The following RGL1 variants were observed in gnomAD, a reference collection of about 807,000 sequenced individuals.
RGL1 encodes the protein ral guanine nucleotide dissociation stimulator-like 1.
RGL1 carries 24 observed loss-of-function variants against 95.2 expected under a neutral mutation model. The ratio of observed to expected loss-of-function variants is 0.25; its 90% CI spans 0.18 to 0.35. The LOEUF (loss-of-function observed/expected upper bound fraction) is 0.35, where lower values mean the gene tolerates loss of function less well. Among genes scored for constraint, RGL1 ranks in the 10% least tolerant of loss-of-function variants. The pLI is 1.00. For missense variants in RGL1, 715 were observed against 936.3 expected (o/e 0.76, Z 3.08); for synonymous variants, 329 against 344.9 (o/e 0.95, Z 0.51).
rs566563448 is a variant in RGL1, at chr1:183,685,544, G to A, written c.-33+49043G>A. ...ACATACAATTACATTAAATGTTACT[G>A]TATGTAATATTAAAAACTACAGTTA... is the stretch of plus-strand genomic sequence containing the variant. On this transcript the variant is annotated intron_variant, in intron 1 of 18. Coordinates refer to the RGL1 transcript ENST00000304685. Among the ~76,000 whole-genome samples the A allele has an allele frequency of 2.0e-5, 3 of 152,232 alleles. No individual in the cohort carries two copies. In the East Asian group the frequency reaches 5.8e-4, roughly 29 times the overall value.
intron 4 of RGL1, among the ~76,000 whole-genome samples, chr1:183,868,764 A>G (rs1665986895): frequency 6.6e-6 from 1 of 152,216 alleles, no homozygotes; most frequent in South Asian, 2.1e-4. Flanking sequence ...ACTCAGTCCA[A>G]TCTAGAGCTG....
intron 5 of RGL1, among the ~76,000 whole-genome samples, chr1:183,881,680 C>T (rs1031946072): frequency 5.3e-5 from 8 of 152,360 alleles, no homozygotes; most frequent in Admixed American, 1.3e-4. Flanking sequence ...AGGAAAGCTG[C>T]ATCAGCTCCA....
At chr1:183,912,808 C>A (rs1244957088) in intron 15 of RGL1, among the ~76,000 whole-genome samples, 2 of 152,172 alleles carry the variant, frequency 1.3e-5, no homozygotes, top group Non-Finnish European at 2.9e-5. Flanking sequence ...CAGGGCATGC[C>A]CTTAGCATGC....
intron 1 of RGL1, among the ~76,000 whole-genome samples, chr1:183,717,251 G>C (rs1655678193): frequency 6.6e-6 from 1 of 152,138 alleles, no homozygotes; most frequent in South Asian, 2.1e-4. Context: ...CTTTACAAAT[G>C]AAAGTCTACT....
chr1:183,867,866 C>T (rs945761147), intron 4 of RGL1, among the ~76,000 whole-genome samples: 3 of 152,128 alleles, frequency 2.0e-5, no homozygotes, highest in African/African-American at 4.8e-5. Context: ...CTGATAGACT[C>T]CTTTCTTCAG....
intron 1 of RGL1, among the ~76,000 whole-genome samples, chr1:183,739,937 C>T (rs1020924586): frequency 2.0e-5 from 3 of 152,164 alleles, no homozygotes; most frequent in South Asian, 2.1e-4. Flanking sequence ...GAACATGTTA[C>T]GCTTACGGAT....
chr1:183,901,141 A>C (rs1015400234), intron 11 of RGL1, among the ~76,000 whole-genome samples: 10 of 151,892 alleles, frequency 6.6e-5, no homozygotes, highest in African/African-American at 2.4e-4. Context: ...TCTACTAAAA[A>C]CACAAAAATC....
intron 1 of RGL1, among the ~76,000 whole-genome samples, chr1:183,649,657 A>T (rs1051501781): frequency 2.6e-5 from 4 of 152,232 alleles, no homozygotes; most frequent in African/African-American, 9.6e-5. Context: ...CTTTTGAAAA[A>T]TTACTGTTAC....
intron 2 of RGL1, among the ~76,000 whole-genome samples, chr1:183,748,115 A>G (rs1006515289): frequency 3.9e-5 from 6 of 152,094 alleles, no homozygotes; most frequent in Non-Finnish European, 8.8e-5. Flanking sequence ...ATTTGTGTAG[A>G]GGTTTTTATA....
At chr1:183,873,029 A>C (rs1666274600) in intron 4 of RGL1, among the ~76,000 whole-genome samples, 1 of 152,236 alleles carries the variant, frequency 6.6e-6, no homozygotes, top group Non-Finnish European at 1.5e-5. Context: ...TAAAAACCAT[A>C]GTTTTACAAG....
At chr1:183,917,459 A>G (rs1480802874) in intron 16 of RGL1, among the ~76,000 whole-genome samples, 1 of 152,222 alleles carries the variant, frequency 6.6e-6, no homozygotes, top group African/African-American at 2.4e-5. Flanking sequence ...TATCCTTTGC[A>G]GCAAAATCCC....
chr1:183,687,870 A>G (rs905027368), intron 1 of RGL1, among the ~76,000 whole-genome samples: 3 of 152,218 alleles, frequency 2.0e-5, no homozygotes, highest in African/African-American at 4.8e-5. Context: ...ATTTTAAAAA[A>G]TCAATGATTC....
chr1:183,764,076 GT>G (rs1206777930), intron 2 of RGL1, among the ~76,000 whole-genome samples: 8 of 152,210 alleles, frequency 5.3e-5, no homozygotes, highest in African/African-American at 1.9e-4. Context: ...ATAGCATTGT[GT>G]TGAGATACAA....
chr1:183,768,309 T>A (rs1254062881), intron 2 of RGL1, among the ~76,000 whole-genome samples: 1 of 152,102 alleles, frequency 6.6e-6, no homozygotes, highest in Non-Finnish European at 1.5e-5. Context: ...TACAAAATTC[T>A]TTTTTACTTT....
Position 183,880,698 on chromosome 1 carries a change from A to G in RGL1, c.508A>G (p.Lys170Glu). Residue 170 changes from lysine (K) to glutamate (E), a missense_variant, in exon 5 of 18, where the codon AAA (lysine) becomes GAA (glutamate). Lys to Glu is a moderately conservative substitution (Grantham distance 56, BLOSUM62 1). Transcript: ENST00000360851. ...GCCCCCTCACTTCCCTTGCTTACAG[A>G]AACTGCTGGATTATCTCACACGGAT... The part of the protein sequence containing the change: ...REPPHFPCLQ[K>E]LLDYLTRMMP... 6.2e-7 allele frequency: 1 copy of G among 1,613,940 alleles called. No homozygotes were observed. The highest frequency in any genetic ancestry group is 8.5e-7 in the Non-Finnish European group (1 of 1,179,840).
At chr1:183,636,257 G>T in exon 1 of RGL1, 1 of 398,950 alleles carries the variant, frequency 2.5e-6, no homozygotes, top group Non-Finnish European at 4.4e-6. Context: ...GTGCCCTGCA[G>T]TTGGTAGGAG....
intron 1 of RGL1, among the ~76,000 whole-genome samples, chr1:183,686,765 T>C (rs1165305775): frequency 6.6e-6 from 1 of 152,142 alleles, no homozygotes; most frequent in African/African-American, 2.4e-5. Context: ...ACTCTCAAAT[T>C]TGTATCTTTA....
At chr1:183,805,966 CTTTTCTTTTTTT>C (rs1661276120) in intron 1 of RGL1, among the ~76,000 whole-genome samples, 3 of 28,390 alleles carry the variant, frequency 1.1e-4, no homozygotes, top group African/African-American at 2.2e-4. Context: ...TTTTTCTTTT[CTTTTCTTTTTTT>C]TTTTTTTTTT....
intron 2 of RGL1, among the ~76,000 whole-genome samples, chr1:183,774,236 A>G (rs1659465539): frequency 6.6e-6 from 1 of 152,198 alleles, no homozygotes; most frequent in African/African-American, 2.4e-5. Context: ...GAACTACAGA[A>G]CCAAGCAGGT....
Sources: allele counts gnomAD v4.1 joint callset (sites outside exome capture counted in the v4.1 genomes callset), GRCh38; gene constraint gnomAD v4.1.1; transcripts MANE v1.5; gene names NCBI Gene and HGNC (gene_info 2026-07-23, HGNC 2026-07-21).